Variants in MYBBP1A observed in about 807,000 individuals in gnomAD.
The protein encoded by MYBBP1A is myb-binding protein 1A.
A neutral mutation model predicts 136.3 loss-of-function variants in MYBBP1A; 147 were observed. The ratio of observed to expected loss-of-function variants is 1.08; its 90% CI spans 0.94 to 1.24. The LOEUF (loss-of-function observed/expected upper bound fraction) is 1.24. Ranked by LOEUF, MYBBP1A falls within the 50% of genes most tolerant of loss-of-function variation. MYBBP1A has a pLI of 0.00. For synonymous variants in MYBBP1A, 947 were observed against 735.8 expected (o/e 1.29, Z -4.65); for missense variants, 2,060 against 1,727.4 (o/e 1.19, Z -3.41).
chr17:4,548,628 G>A lies in MYBBP1A; in HGVS notation c.1452C>T (p.Phe484=). ...QVARFCLFHS[F]FVTKKPTSQI... is the part of the protein sequence containing the mutation. ...GGGATGTGGGCTTCTTTGTGACAAA[G>A]AACGAGTGGAACAAACAAAACCTGG... is the stretch of plus-strand genomic sequence containing the variant. Residue 484 remains phenylalanine, a synonymous_variant, in exon 11 of 26, where the codon TTC becomes TTT. Transcript: ENST00000254718. The surrounding 1 kb of genome is among the most constrained non-coding windows in gnomAD (Gnocchi z 4.2). 1 of 1,614,186 alleles carries A rather than the reference G, an allele frequency of 6.2e-7. No homozygotes were observed. Among genetic ancestry groups the A allele is most frequent in the Non-Finnish European group, 8.5e-7 (1 of 1,180,028 alleles).
At chr17:4,546,912 CT>C (rs750174532) in intron 13 of MYBBP1A, among the ~76,000 whole-genome samples, 5,061 of 136,592 alleles carry the variant, frequency 0.037, 236 homozygotes, top group African/African-American at 0.12. Flanking sequence ...TGGGCTGCAC[CT>C]TTTTTTTTTT....
Position 4,539,526 on chromosome 17 carries a change from C to A in MYBBP1A, c.3876G>T (p.Leu1292=), listed in dbSNP as rs375055688. ...PKKGVLGKSP[L]SALARKKARL... is the part of the protein sequence containing the mutation. ...TTGCCTTTTTCCGTGCCAGCGCGGA[C>A]AGTGGTGATTTGCCCAAGACCCCCT... The change falls in exon 26 of 26, where the codon CTG becomes CTT. Residue 1292 remains leucine (L), a synonymous_variant. Transcript: ENST00000254718. 2.0e-5 allele frequency: 32 copies of A among 1,613,994 alleles called. No individual in the cohort carries two copies. The highest frequency in any genetic ancestry group is 2.6e-5 in the Non-Finnish European group (31 of 1,180,040).
At position 4,553,925 on chromosome 17, in the gene MYBBP1A, C is replaced by T; in HGVS notation, c.454-8G>A. ...CATCAGTGCCTCCTGGTCCTGGTCC[C>T]CACAGAGGGACAGAGGGTATGAGCA... is the stretch of plus-strand genomic sequence containing the variant. On this transcript the variant is annotated splice_region_variant and splice_polypyrimidine_tract_variant and intron_variant, in intron 4 of 25. Coordinates refer to ENST00000254718, the MANE Select transcript of MYBBP1A (RefSeq NM_014520.4). 3.1e-6 allele frequency: 5 copies of T among 1,614,002 alleles called. No individual in the cohort carries two copies. The highest frequency in any genetic ancestry group is 4.2e-6 in the Non-Finnish European group (5 of 1,179,978).
chr17:4,547,365 G>A (rs1199093934), intron 13 of MYBBP1A, among the ~76,000 whole-genome samples: 1 of 152,142 alleles, frequency 6.6e-6, no homozygotes, highest in Non-Finnish European at 1.5e-5. Flanking sequence ...GAATTGGAAG[G>A]GGCATCGTGG....
intron 10 of MYBBP1A, 109 bp downstream of exon 10, chr17:4,549,223 C>G (rs1178734301): frequency 1.2e-5 from 11 of 926,382 alleles, no homozygotes; most frequent in African/African-American, 1.7e-5. Context: ...CCACTGATGA[C>G]TCAACCCAAA....
At chr17:4,553,484 T>A (rs1321835032) in intron 5 of MYBBP1A, among the ~76,000 whole-genome samples, 1 of 152,236 alleles carries the variant, frequency 6.6e-6, no homozygotes, top group Non-Finnish European at 1.5e-5. Context: ...GAAAGGTGGC[T>A]AATCTGAACA....
rs759566886 is a variant in MYBBP1A at position 4,552,217 on chromosome 17, C to T, written c.813G>A (p.Leu271=). 8.7e-6 allele frequency: 14 copies of T among 1,614,234 alleles called. No homozygotes were observed. Among genetic ancestry groups the T allele is most frequent in the Admixed American group, 1.7e-5 (1 of 60,030 alleles). Residue 271 remains leucine (L), a synonymous_variant, in exon 7 of 26, where the codon CTG becomes CTA. Coordinates refer to ENST00000254718, the MANE Select transcript of MYBBP1A (RefSeq NM_014520.4). This position sits in a 1 kb window ranked among gnomAD's most constrained non-coding sequence, Gnocchi z 4.7. ...TGTCTTCCTTGAGTGCCAGGCGGAGCAGGTCCAGAGCAATGGCGGGCAGCT... is the reference window on the plus strand; with the variant it reads ...TGTCTTCCTTGAGTGCCAGGCGGAGTAGGTCCAGAGCAATGGCGGGCAGCT... ...DRKLPAIALD[L]LRLALKEDKF... is the part of the protein sequence containing the mutation.
Position 4,551,877 on chromosome 17 carries a change from C to A in MYBBP1A, c.1023+3G>T. On this transcript the variant is annotated splice_donor_region_variant and intron_variant, in intron 8 of 25. Transcript: ENST00000254718. ...AGTGTCGAGCTGCACGGGCATTACCCACCTTAGCAGTGCACACGTGCTCCC... is the reference window on the plus strand; with the variant it reads ...AGTGTCGAGCTGCACGGGCATTACCAACCTTAGCAGTGCACACGTGCTCCC... 1 of 1,612,128 alleles carries A rather than the reference C, an allele frequency of 6.2e-7. No homozygotes were observed. Among genetic ancestry groups the A allele is most frequent in the Non-Finnish European group, 8.5e-7 (1 of 1,179,000 alleles).
At chr17:4,544,004 G>A (rs535482207) in intron 19 of MYBBP1A, among the ~76,000 whole-genome samples, 4 of 152,232 alleles carry the variant, frequency 2.6e-5, no homozygotes, top group Non-Finnish European at 5.9e-5. Context: ...TTCCAGCTGC[G>A]TGTCTGACCA....
rs761839289 is a variant in MYBBP1A at position 4,548,162 on chromosome 17, G to A, written c.1705C>T (p.Gln569Ter). 1.9e-6 allele frequency: 3 copies of A among 1,605,140 alleles called. No homozygotes were observed. The highest frequency in any genetic ancestry group is 2.5e-6 in the Non-Finnish European group (3 of 1,179,980). The change falls in exon 12 of 26, where the codon CAG (glutamine) becomes TAG (stop). Residue 569 changes from glutamine (Q) to a stop codon, truncating the protein, a stop_gained. Transcript: ENST00000254718. LOFTEE classifies it high-confidence loss of function. The surrounding 1 kb of genome is among the most constrained non-coding windows in gnomAD (Gnocchi z 4.2). ...GCTCACCGGTCCCAGGCCTGGCGCTGCTGCGCAGTGAAGGGTGTCACGGTG... is the reference window on the plus strand; with the variant it reads ...GCTCACCGGTCCCAGGCCTGGCGCTACTGCGCAGTGAAGGGTGTCACGGTG... Reference protein sequence around the residue: ...VTTVTPFTAQQRQAWDRMLQT... With the variant: ...VTTVTPFTAQ
At chr17:4,554,720 G>A (rs1453451932) in intron 2 of MYBBP1A, 141 bp downstream of exon 2, 1 of 730,200 alleles carries the variant, frequency 1.4e-6, no homozygotes, top group East Asian at 2.7e-5. Context: ...CCTCCCTCAG[G>A]TTGGCCTCCA....
intron 25 of MYBBP1A, 123 bp downstream of exon 25, chr17:4,540,225 T>C (rs982477031): frequency 1.5e-6 from 2 of 1,358,768 alleles, no homozygotes; most frequent in African/African-American, 1.5e-5. Context: ...TGCATGTGTG[T>C]GCAGCAGCAT....
chr17:4,539,678 G>A lies in MYBBP1A; in HGVS notation c.3724C>T (p.Pro1242Ser), dbSNP rs1188986025. ...TTTGGGGATTTGGCAGGGGTGCTGGGGCTCCGGGTGGGGGCGCCAGGGGCT... is the reference window on the plus strand; with the variant it reads ...TTTGGGGATTTGGCAGGGGTGCTGGAGCTCCGGGTGGGGGCGCCAGGGGCT... ...SPAPGAPTRS[P>S]STPAKSPKLQ... The change falls in exon 26 of 26, where the codon CCC becomes TCC. Residue 1242 changes from proline (P) to serine (S), a missense_variant. By Grantham distance (74) the Pro-to-Ser change is moderately conservative (BLOSUM62 -1). Transcript: ENST00000254718. The A allele has an allele frequency of 1.9e-6, 3 of 1,609,620 alleles. No individual in the cohort carries two copies. Among genetic ancestry groups the A allele is most frequent in the Non-Finnish European group, 2.5e-6 (3 of 1,177,024 alleles).
chr17:4,542,337 T>C (rs1906515664), intron 22 of MYBBP1A, 127 bp downstream of exon 22: 3 of 1,101,786 alleles, frequency 2.7e-6, no homozygotes, highest in South Asian at 1.5e-5. Flanking sequence ...GCCAAGCCAG[T>C]GGGGCAGGGA....
In MYBBP1A at chr17:4,544,764, TCG is replaced by T. The variant is rs1176977875; in HGVS notation, c.2466_2467del (p.Asp823LeufsTer72). On this transcript the variant is annotated frameshift_variant, in exon 18 of 26. Transcript: ENST00000254718. LOFTEE classifies it high-confidence loss of function. Reference sequence around the variant, plus strand: ...CCCCAGGCTCACCCGGATCTGGAAGTCGCGCCGCAGAGCCTTCTCCTTCTGCA... The same window carrying T: ...CCCCAGGCTCACCCGGATCTGGAAGTCGCCGCAGAGCCTTCTCCTTCTGCA... The T allele has an allele frequency of 1.9e-6, 3 of 1,567,648 alleles. No homozygotes were observed. Among genetic ancestry groups the T allele is most frequent in the Non-Finnish European group, 2.6e-6 (3 of 1,155,604 alleles).
intron 22 of MYBBP1A, 78 bp from the exon 23 acceptor site, chr17:4,541,969 G>C: frequency 9.1e-7 from 1 of 1,094,178 alleles, no homozygotes; most frequent in Non-Finnish European, 1.3e-6. Flanking sequence ...GAGGGCTCGG[G>C]GGCCCGCTGG....
At chr17:4,540,561 T>C in intron 24 of MYBBP1A, 77 bp from the exon 25 acceptor site, 1 of 1,455,686 alleles carries the variant, frequency 6.9e-7, no homozygotes, top group East Asian at 2.5e-5. Flanking sequence ...TTCCCACCTC[T>C]GCCCTGTTGC....
intron 19 of MYBBP1A, among the ~76,000 whole-genome samples, chr17:4,543,692 C>A (rs1906681460): frequency 2.7e-5 from 4 of 148,562 alleles, no homozygotes. Context: ...TCCTGACTAT[C>A]CACGCAGCGC....
chr17:4,547,951 C>T lies in MYBBP1A; in HGVS notation c.1824+7G>A. On this transcript the variant is annotated splice_region_variant and intron_variant, in intron 13 of 25. Transcript: ENST00000254718. ...GCTCACAGCCCCTCCCTCCCAGGCCCCAGTACCTTGAGGAGGTGGATGCCC... is the reference window on the plus strand; with the variant it reads ...GCTCACAGCCCCTCCCTCCCAGGCCTCAGTACCTTGAGGAGGTGGATGCCC... 1.3e-6 allele frequency: 2 copies of T among 1,491,662 alleles called. No homozygotes were observed. Among genetic ancestry groups the T allele is most frequent in the Non-Finnish European group, 1.8e-6 (2 of 1,117,902 alleles). The allele number at this position is 1,491,662 out of a possible 1,614,324, so 92.4% of individuals were successfully genotyped here.
Sources: allele counts gnomAD v4.1 joint callset (sites outside exome capture counted in the v4.1 genomes callset), GRCh38; gene constraint gnomAD v4.1.1; non-coding constraint Gnocchi (gnomAD v3.1); transcripts MANE v1.5; gene names NCBI Gene and HGNC (gene_info 2026-07-23, HGNC 2026-07-21).